SEMA5A: variants seen among roughly 807,000 people sequenced by gnomAD.
SEMA5A encodes the protein semaphorin 5A.
Under a neutral mutation model 135.5 loss-of-function variants are expected in SEMA5A, and 55 were observed. That is an observed-to-expected ratio of 0.41 (90% confidence interval 0.33 to 0.51). The LOEUF is 0.51. SEMA5A is among the 20% of genes least tolerant of loss of function. SEMA5A has a pLI of 0.37. For synonymous variants in SEMA5A, 580 were observed against 546.5 expected (o/e 1.06, Z -0.85); for missense variants, 1,290 against 1,419.9 (o/e 0.91, Z 1.47).
rs140454414 is a variant in SEMA5A, at chr5:9,425,067, C to T, written c.-78+12689G>A. On this transcript the variant is annotated intron_variant, in intron 2 of 22. Coordinates refer to ENST00000382496, the MANE Select transcript of SEMA5A (RefSeq NM_003966.3). ...CATAGAAGTTTCATGTCCCGGCTTACAAAGCCCTACATATGCTAACCCTTA... is the reference window on the plus strand; with the variant it reads ...CATAGAAGTTTCATGTCCCGGCTTATAAAGCCCTACATATGCTAACCCTTA... 1.1e-4 allele frequency among the ~76,000 whole-genome samples: 16 copies of T among 152,336 alleles called. No individual in the cohort carries two copies. The East Asian group carries it at 2.7e-3, about 26-fold the overall frequency.
At chr5:9,249,407 C>A (rs73742616) in intron 5 of SEMA5A, among the ~76,000 whole-genome samples, 8,504 of 152,280 alleles carry the variant, frequency 0.056, 299 homozygotes, top group Middle Eastern at 0.19. Context: ...ACTTACCTCT[C>A]CCACACACTT....
rs111767641 is a variant in SEMA5A at position 9,066,621 on chromosome 5, G to A, written c.2099C>T (p.Pro700Leu). ...NVEYQSCNTN[P>L]CPELKKTTPW... ...CGTGGTCTTCTTCAGCTCAGGACAC[G>A]GGTTGGTGTTGCAAGACTGGTACTC... Residue 700 changes from proline (P) to leucine (L), a missense_variant, in exon 17 of 23, where the codon CCG (proline) becomes CTG (leucine). Around this residue, in one of 3 missense-constraint regions of SEMA5A, gnomAD observed 1,029 missense variants for 1,086.6 expected, o/e 0.95. Coordinates refer to ENST00000382496, the MANE Select transcript of SEMA5A (RefSeq NM_003966.3). 4 of 1,614,062 alleles carry A rather than the reference G, an allele frequency of 2.5e-6. No individual in the cohort carries two copies. Among genetic ancestry groups the A allele is most frequent in the Middle Eastern group, 1.6e-4 (1 of 6,062 alleles).
Position 9,201,957 on chromosome 5 carries a change from A to T in SEMA5A, c.930T>A (p.Asn310Lys). 1 of 1,613,482 alleles carries T rather than the reference A, an allele frequency of 6.2e-7. No homozygotes were observed. Among genetic ancestry groups the T allele is most frequent in the Non-Finnish European group, 8.5e-7 (1 of 1,179,426 alleles). ...AAAAATTATTTCAAGTTACATACAC[A>T]TTGGTGGTAAAGATGCCATAGATCA... The part of the protein sequence containing the change: ...LDLIYGIFTT[N>K]VNSIAASAVC... Residue 310 changes from asparagine (N) to lysine (K), a missense_variant and splice_region_variant, in exon 9 of 23, where the codon AAT (asparagine) becomes AAA (lysine). Coordinates refer to ENST00000382496, the MANE Select transcript of SEMA5A (RefSeq NM_003966.3).
At chr5:9,189,104 G>A (rs1744956264) in intron 11 of SEMA5A, among the ~76,000 whole-genome samples, 1 of 152,260 alleles carries the variant, frequency 6.6e-6, no homozygotes, top group Non-Finnish European at 1.5e-5. Flanking sequence ...TATGGGTGCA[G>A]GGCTGGCCCT....
Position 9,037,149 on chromosome 5 carries a change from G to A in SEMA5A, c.*5748C>T, listed in dbSNP as rs542346981. On this transcript the variant is annotated 3_prime_UTR_variant, in exon 23 of 23. Coordinates refer to ENST00000382496, the MANE Select transcript of SEMA5A (RefSeq NM_003966.3). ...TTGACAGTTTAAGAAACACAAAAGA[G>A]TGATTTTCTACCTCCTCTTTCCTCT... 1 of 64,604 alleles carries A rather than the reference G, an allele frequency of 1.5e-5. No homozygotes were observed. Among genetic ancestry groups the A allele is most frequent in the Non-Finnish European group, 3.4e-5 (1 of 29,620 alleles). The allele number at this position is 64,604 out of a possible 1,614,324, so 4.0% of individuals were successfully genotyped here. A position where few individuals can be genotyped will look rare whatever the true frequency, so the allele number is the denominator to read the frequency against.
rs369610828 is a variant in SEMA5A at position 9,459,407 on chromosome 5, A to G, written c.-174-21555T>C. Among the ~76,000 whole-genome samples the G allele has an allele frequency of 9.8e-4, 149 of 152,360 alleles. 2 individuals carry two copies. In the South Asian group the frequency reaches 0.03, roughly 31 times the overall value. On this transcript the variant is annotated intron_variant, in intron 1 of 22. Coordinates refer to ENST00000382496, the MANE Select transcript of SEMA5A (RefSeq NM_003966.3). Reference sequence around the variant, plus strand: ...TCTCCCTGGCTGGCTTTTGGATTCAAACAGCAATGCTGGAGAAATCCATAC... The same window carrying G: ...TCTCCCTGGCTGGCTTTTGGATTCAGACAGCAATGCTGGAGAAATCCATAC...
At chr5:9,259,880 A>T (rs1749308325) in intron 5 of SEMA5A, among the ~76,000 whole-genome samples, 1 of 39,618 alleles carries the variant, frequency 2.5e-5, no homozygotes, top group Non-Finnish European at 5.1e-5. Context: ...GAAGGCAAGA[A>T]ATAACTAAAA....
At chr5:9,508,051 G>C (rs1251785140) in intron 1 of SEMA5A, among the ~76,000 whole-genome samples, 1 of 152,028 alleles carries the variant, frequency 6.6e-6, no homozygotes, top group Non-Finnish European at 1.5e-5. Flanking sequence ...CAGAAAGCTG[G>C]CTTGGGGAAG....
intron 1 of SEMA5A, among the ~76,000 whole-genome samples, chr5:9,541,449 C>A (rs941386237): frequency 6.6e-6 from 1 of 152,062 alleles, no homozygotes; most frequent in Non-Finnish European, 1.5e-5. Context: ...GGGCTCATGA[C>A]CTTTCAATAA....
At chr5:9,269,977 G>C (rs1371963970) in intron 5 of SEMA5A, among the ~76,000 whole-genome samples, 1 of 152,054 alleles carries the variant, frequency 6.6e-6, no homozygotes, top group African/African-American at 2.4e-5. Context: ...GCTGGTTTCT[G>C]GGAGCTCAGA....
intron 15 of SEMA5A, among the ~76,000 whole-genome samples, chr5:9,112,740 C>T (rs2150164768): frequency 6.6e-6 from 1 of 152,314 alleles, no homozygotes; most frequent in African/African-American, 2.4e-5. Context: ...TCCTAGAATT[C>T]ACACCTTGCG....
At chr5:9,080,255 G>T (rs1738302295) in intron 16 of SEMA5A, among the ~76,000 whole-genome samples, 1 of 152,032 alleles carries the variant, frequency 6.6e-6, no homozygotes, top group Non-Finnish European at 1.5e-5. Context: ...GCAGAGACTT[G>T]GATAAAGCTG....
intron 4 of SEMA5A, among the ~76,000 whole-genome samples, chr5:9,322,624 A>G (rs1344973998): frequency 6.6e-6 from 1 of 152,228 alleles, no homozygotes; most frequent in Non-Finnish European, 1.5e-5. Flanking sequence ...AAGAGTCACT[A>G]AAGAGTATAT....
At chr5:9,355,567 C>T (rs974770087) in intron 3 of SEMA5A, among the ~76,000 whole-genome samples, 4 of 152,106 alleles carry the variant, frequency 2.6e-5, no homozygotes, top group South Asian at 2.1e-4. Flanking sequence ...ATTTGGGGAA[C>T]AATCCAATAG....
At chr5:9,455,547 C>T (rs1043909905) in intron 1 of SEMA5A, among the ~76,000 whole-genome samples, 9 of 152,230 alleles carry the variant, frequency 5.9e-5, no homozygotes, top group Non-Finnish European at 7.4e-5. Flanking sequence ...TGAGCCACCG[C>T]GCCCAGCCGC....
intron 1 of SEMA5A, among the ~76,000 whole-genome samples, chr5:9,535,404 G>C (rs268553): frequency 0.82 from 124,900 of 152,020 alleles, 51,486 homozygotes; most frequent in Middle Eastern, 0.89. Context: ...AGCCAAGATG[G>C]GCTGCCTGGA....
At chr5:9,192,388 A>G (rs368920622) in intron 10 of SEMA5A, among the ~76,000 whole-genome samples, 1 of 152,262 alleles carries the variant, frequency 6.6e-6, no homozygotes, top group African/African-American at 2.4e-5. Flanking sequence ...GTCCTTATAA[A>G]TGCCAAAGAA....
chr5:9,197,418 C>T (rs1009361806), intron 9 of SEMA5A, 115 bp from the exon 10 acceptor site: 12 of 1,268,498 alleles, frequency 9.5e-6, no homozygotes, highest in African/African-American at 4.5e-5. Flanking sequence ...CTCAAGACCA[C>T]AGTCTCTTAA....
chr5:9,400,455 A>G (rs1436980063), intron 2 of SEMA5A, among the ~76,000 whole-genome samples: 1 of 152,166 alleles, frequency 6.6e-6, no homozygotes, highest in African/African-American at 2.4e-5. Context: ...ATCTAAAAAA[A>G]AATGTAAAAT....
Sources: allele counts gnomAD v4.1 joint callset (sites outside exome capture counted in the v4.1 genomes callset), GRCh38; gene constraint gnomAD v4.1.1; regional missense constraint gnomAD v4.1.1; transcripts MANE v1.5; gene names NCBI Gene and HGNC (gene_info 2026-07-23, HGNC 2026-07-21).